TRANK1: variants seen among roughly 807,000 people sequenced by gnomAD.
TRANK1 encodes tetratricopeptide repeat and ankyrin repeat containing 1, also known as TPR and ankyrin repeat-containing protein 1.
TRANK1 carries 198 observed loss-of-function variants against 266.0 expected under a neutral mutation model. The observed-to-expected ratio is 0.74, with a 90% confidence interval of 0.66 to 0.84. The LOEUF (loss-of-function observed/expected upper bound fraction) is 0.84, where lower values mean the gene tolerates loss of function less well. Among genes scored for constraint, TRANK1 ranks in the 40% least tolerant of loss-of-function variants. The pLI, the probability that TRANK1 is intolerant of heterozygous loss-of-function variation, is 0.00. For synonymous variants in TRANK1, 1,396 were observed against 1,384.1 expected (o/e 1.01, Z -0.19); for missense variants, 3,326 against 3,634.6 (o/e 0.92, Z 2.18).
intron 1 of TRANK1, among the ~76,000 whole-genome samples, chr3:36,936,858 T>C (rs2080432173): frequency 6.6e-6 from 1 of 152,130 alleles, no homozygotes; most frequent in Non-Finnish European, 1.5e-5. Context: ...TCCCAGCACT[T>C]TGGGAGACTG....
intron 11 of TRANK1, among the ~76,000 whole-genome samples, chr3:36,859,144 G>A (rs183579395): frequency 1.6e-3 from 240 of 152,268 alleles, no homozygotes; most frequent in Non-Finnish European, 1.9e-3. Context: ...CCCACCACAG[G>A]AGCATAGTTC....
chr3:36,910,611 G>A (rs1384068189), intron 1 of TRANK1, among the ~76,000 whole-genome samples: 2 of 151,766 alleles, frequency 1.3e-5, no homozygotes, highest in African/African-American at 2.4e-5. Context: ...GCGGTGGCAC[G>A]CACCTGTAAT....
chr3:36,833,554 T>G lies in TRANK1; in HGVS notation c.6029A>C (p.Lys2010Thr). 1 of 1,613,996 alleles carries G rather than the reference T, an allele frequency of 6.2e-7. No individual in the cohort carries two copies. Among genetic ancestry groups the G allele is most frequent in the Non-Finnish European group, 8.5e-7 (1 of 1,179,896 alleles). ...VARDSDIEHT[K>T]DILREALDIC... ...ATCAAGTGCTTCTCTCAGAATGTCC[T>G]TGGTGTGTTCTATGTCGGAATCCCT... is the stretch of plus-strand genomic sequence containing the variant. Residue 2010 changes from lysine to threonine, a missense_variant, in exon 22 of 24, where the codon AAG (lysine) becomes ACG (threonine). Coordinates refer to ENST00000645898, the MANE Select transcript of TRANK1 (RefSeq NM_001329998.2).
At position 36,856,010 on chromosome 3, in the gene TRANK1, C is replaced by A; in HGVS notation, c.3712G>T (p.Glu1238Ter). 6.2e-7 allele frequency: 1 copy of A among 1,613,726 alleles called. No individual in the cohort carries two copies. Among genetic ancestry groups the A allele is most frequent in the Non-Finnish European group, 8.5e-7 (1 of 1,179,862 alleles). ...NIHKLQDLRD[E>*]NFPLFVTSKQ... ...GAAGTGACAAACAGAGGAAAGTTCT[C>A]GTCCCTCAGGTCCTGGAGTTTGTGA... Residue 1238 changes from glutamate (E) to a stop codon, truncating the protein, a stop_gained, in exon 13 of 24, where the codon GAG becomes TAG. Transcript: ENST00000645898. LOFTEE classifies it high-confidence loss of function.
chr3:36,878,906 G>A (rs985029997), intron 8 of TRANK1, among the ~76,000 whole-genome samples: 10 of 151,962 alleles, frequency 6.6e-5, no homozygotes, highest in African/African-American at 2.4e-4. Context: ...GGAGGCTGCT[G>A]GGTTGTTGGC....
intron 3 of TRANK1, among the ~76,000 whole-genome samples, chr3:36,900,933 G>A (rs1005094563): frequency 4.8e-5 from 7 of 146,504 alleles, no homozygotes; most frequent in Admixed American, 1.4e-4. Flanking sequence ...AAAACTCCAC[G>A]TAACACCAAA....
intron 1 of TRANK1, among the ~76,000 whole-genome samples, chr3:36,912,356 C>T (rs1482685975): frequency 6.6e-6 from 1 of 152,224 alleles, no homozygotes; most frequent in African/African-American, 2.4e-5. Flanking sequence ...CCAAACTACA[C>T]TCTGAAGGGC....
chr3:36,864,500 A>G lies in TRANK1; in HGVS notation c.1079-20T>C. The G allele has an allele frequency of 6.7e-7, 1 of 1,496,086 alleles. No individual in the cohort carries two copies. The highest frequency in any genetic ancestry group is 8.8e-7 in the Non-Finnish European group (1 of 1,130,650). 92.7% of individuals were successfully genotyped at this position (1,496,086 alleles called of 1,614,324 possible). A position where few individuals can be genotyped will look rare whatever the true frequency, so the allele number is the denominator to read the frequency against. ...TGAATCCTACAAAACAGCACCAGGT[A>G]ATGCTTCTGAATACAGAAATTGCAG... On this transcript the variant is annotated intron_variant, in intron 9 of 23. Transcript: ENST00000645898.
At chr3:36,932,982 T>A (rs2080379725) in intron 1 of TRANK1, among the ~76,000 whole-genome samples, 1 of 152,184 alleles carries the variant, frequency 6.6e-6, no homozygotes, top group Non-Finnish European at 1.5e-5. Flanking sequence ...GCTTGATCAA[T>A]CCTTTATTCT....
At chr3:36,880,250 C>A in intron 8 of TRANK1, 1 of 300,264 alleles carries the variant, frequency 3.3e-6, no homozygotes. Flanking sequence ...TTTAAGGACC[C>A]TTCACACTTG....
At chr3:36,834,940 G>T in intron 20 of TRANK1, 33 bp from the exon 21 acceptor site, 2 of 1,561,028 alleles carry the variant, frequency 1.3e-6, no homozygotes, top group Non-Finnish European at 1.7e-6. Context: ...TTTATTTAGA[G>T]TACTCATGAT....
chr3:36,856,393 G>A lies in TRANK1; in HGVS notation c.3329C>T (p.Ala1110Val). Residue 1110 changes from alanine to valine, a missense_variant, in exon 13 of 24, where the codon GCC becomes GTC. Transcript: ENST00000645898. Reference sequence around the variant, plus strand: ...CCTTCTCTTCAGCCAGACCTGTTTGGCCAGCAATGGGCTTCCTGCCTGCTC... The same window carrying A: ...CCTTCTCTTCAGCCAGACCTGTTTGACCAGCAATGGGCTTCCTGCCTGCTC... ...KAEQAGSPLL[A>V]KQVWLKRRLE... 6.2e-7 allele frequency: 1 copy of A among 1,602,724 alleles called. No individual in the cohort carries two copies. Among genetic ancestry groups the A allele is most frequent in the South Asian group, 1.1e-5 (1 of 90,046 alleles).
At chr3:36,868,672 C>A (rs530416523) in intron 9 of TRANK1, among the ~76,000 whole-genome samples, 1 of 152,138 alleles carries the variant, frequency 6.6e-6, no homozygotes, top group African/African-American at 2.4e-5. Flanking sequence ...TTTTTTCTGG[C>A]AGGTACAATT....
chr3:36,908,560 C>T, intron 1 of TRANK1, 106 bp from the exon 2 acceptor site: 1 of 1,231,176 alleles, frequency 8.1e-7, no homozygotes, highest in Non-Finnish European at 1.0e-6. Context: ...CACTATGGCC[C>T]CACCCACCTT....
rs34361310 is a variant in TRANK1, at chr3:36,893,281, T to TAA, written c.553-298_553-297insTT. On this transcript the variant is annotated intron_variant, in intron 5 of 23. Transcript: ENST00000645898. Reference sequence around the variant, plus strand: ...TTTCACAGCATAGTTGCAATGAGATTACAAAAAAAAAAGAGTAATTCCCTG... The same window carrying TAA: ...TTTCACAGCATAGTTGCAATGAGATTAAACAAAAAAAAAAGAGTAATTCCCTG... Among the ~76,000 whole-genome samples, 87 of 150,776 alleles carry TAA rather than the reference T, an allele frequency of 5.8e-4. 2 individuals carry two copies. Among genetic ancestry groups the TAA allele is most frequent in the Admixed American group, 3.0e-3 (45 of 15,192 alleles).
intron 2 of TRANK1, among the ~76,000 whole-genome samples, chr3:36,905,866 T>C (rs879698070): frequency 6.6e-6 from 1 of 152,110 alleles, no homozygotes; most frequent in African/African-American, 2.4e-5. Flanking sequence ...ACGCTGTAAA[T>C]CACATGCACC....
rs766773562 is a variant in TRANK1, at chr3:36,831,993, G to A, written c.7590C>T (p.Ala2530=). 3.1e-6 allele frequency: 5 copies of A among 1,614,022 alleles called. No homozygotes were observed. The highest frequency in any genetic ancestry group is 1.1e-5 in the South Asian group (1 of 91,078). ...CATTCTCATAGCCACATAGCACCTT[G>A]GCGAGGTAGGAGAGATGGAACCGGA... ...QDFRFHLSYL[A]KVLCGYENVN... The change falls in exon 22 of 24, where the codon GCC becomes GCT. Residue 2530 remains alanine (A), a synonymous_variant. Coordinates refer to ENST00000645898, the MANE Select transcript of TRANK1 (RefSeq NM_001329998.2). The surrounding 1 kb of genome is among the most constrained non-coding windows in gnomAD (Gnocchi z 5.0).
Position 36,828,202 on chromosome 3 carries a change from C to G in TRANK1, c.*73G>C. 2 of 1,110,878 alleles carry G rather than the reference C, an allele frequency of 1.8e-6. No homozygotes were observed. Among genetic ancestry groups the G allele is most frequent in the Non-Finnish European group, 2.7e-6 (2 of 749,852 alleles). 68.8% of individuals were successfully genotyped at this position (1,110,878 alleles called of 1,614,324 possible). ...TGCTAATTCACATTCTTTTTGTCTTCTGCCCCAGCGCTCAGAATTCTAAGT... is the reference window on the plus strand; with the variant it reads ...TGCTAATTCACATTCTTTTTGTCTTGTGCCCCAGCGCTCAGAATTCTAAGT... On this transcript the variant is annotated 3_prime_UTR_variant, in exon 24 of 24. Coordinates refer to ENST00000645898, the MANE Select transcript of TRANK1 (RefSeq NM_001329998.2).
In TRANK1 at chr3:36,857,142, G is replaced by A; in HGVS notation, c.2580C>T (p.Ile860=). ...CATTTCCCAGCTGCTGAATGGCAAGGATGATTTTCTTCTTGATGACCTTGG... is the reference window on the plus strand; with the variant it reads ...CATTTCCCAGCTGCTGAATGGCAAGAATGATTTTCTTCTTGATGACCTTGG... ...VMTKVIKKKI[I]LAIQQLGNGE... is the part of the protein sequence containing the mutation. Residue 860 remains isoleucine (I), a synonymous_variant, in exon 13 of 24, where the codon ATC becomes ATT. Coordinates refer to ENST00000645898, the MANE Select transcript of TRANK1 (RefSeq NM_001329998.2). This position sits in a 1 kb window ranked among gnomAD's most constrained non-coding sequence, Gnocchi z 4.3. 1 of 1,614,000 alleles carries A rather than the reference G, an allele frequency of 6.2e-7. No homozygotes were observed. The highest frequency in any genetic ancestry group is 1.6e-4 in the Middle Eastern group (1 of 6,062).
Sources: allele counts gnomAD v4.1 joint callset (sites outside exome capture counted in the v4.1 genomes callset), GRCh38; gene constraint gnomAD v4.1.1; non-coding constraint Gnocchi (gnomAD v3.1); transcripts MANE v1.5; gene names NCBI Gene and HGNC (gene_info 2026-07-23, HGNC 2026-07-21).